USP42: variants seen among roughly 807,000 people sequenced by gnomAD.
USP42 encodes ubiquitin carboxyl-terminal hydrolase 42.
In USP42, 23 loss-of-function variants were observed where a neutral mutation model predicts 113.0. That is an observed-to-expected ratio of 0.20 (90% confidence interval 0.15 to 0.29). The LOEUF (loss-of-function observed/expected upper bound fraction) is 0.29. Ranked by LOEUF, USP42 falls within the 10% of genes least tolerant of loss-of-function variation. The probability of loss-of-function intolerance (pLI) is 1.00; values close to 1 mark genes in which losing one functional copy is unlikely to be tolerated. For missense variants in USP42, 2,174 were observed against 1,779.8 expected (o/e 1.22, Z -3.99); for synonymous variants, 933 against 699.0 (o/e 1.33, Z -5.28).
At chr7:6,126,539 C>T (rs1201328868) in intron 3 of USP42, among the ~76,000 whole-genome samples, 1 of 152,182 alleles carries the variant, frequency 6.6e-6, no homozygotes, top group Admixed American at 6.5e-5. Context: ...CCCGCCTCAG[C>T]CTCCCAAAGT....
At chr7:6,117,701 A>G (rs1018810647) in intron 3 of USP42, among the ~76,000 whole-genome samples, 1 of 152,048 alleles carries the variant, frequency 6.6e-6, no homozygotes. Flanking sequence ...CCTTCCCAAT[A>G]CTTGGTGGGG....
At position 6,157,518 on chromosome 7, in the gene USP42, C is replaced by T. The variant is rs1471941477; in HGVS notation, c.3943+463C>T. ...GTTCATGCTGTTCTCCTGCCTCAGC[C>T]TCCTGAGTAGCCGGGACTACAGGCG... On this transcript the variant is annotated intron_variant, in intron 16 of 17. Transcript: ENST00000306177. This position sits in a 1 kb window ranked among gnomAD's most constrained non-coding sequence, Gnocchi z 4.1. 2.0e-6 allele frequency: 1 copy of T among 497,842 alleles called. No homozygotes were observed. Among genetic ancestry groups the T allele is most frequent in the Non-Finnish European group, 2.6e-6 (1 of 384,564 alleles). The allele number at this position is 497,842 out of a possible 1,614,324, so 30.8% of individuals were successfully genotyped here.
intron 2 of USP42, among the ~76,000 whole-genome samples, chr7:6,114,630 G>A (rs1209694627): frequency 7.7e-6 from 1 of 130,260 alleles, no homozygotes; most frequent in African/African-American, 3.0e-5. Context: ...TAAAATACGT[G>A]TGTGTGTATA....
In USP42 at chr7:6,146,381, T is replaced by C. The variant is rs901829375; in HGVS notation, c.1232+133T>C. 7 of 645,368 alleles carry C rather than the reference T, an allele frequency of 1.1e-5. No individual in the cohort carries two copies. In the African/African-American group the frequency reaches 1.3e-4, roughly 12 times the overall value. 40.0% of individuals were successfully genotyped at this position (645,368 alleles called of 1,614,324 possible). On this transcript the variant is annotated intron_variant, in intron 11 of 17. Transcript: ENST00000306177. ...AGCAGCTTAAAGATCAACTCTAGCC[T>C]GGGCATGGTGCCTCACGCCTATAAT...
At chr7:6,115,817 C>T (rs1040784844) in intron 3 of USP42, among the ~76,000 whole-genome samples, 15 of 152,034 alleles carry the variant, frequency 9.9e-5, no homozygotes, top group Non-Finnish European at 7.4e-5. Flanking sequence ...ACAGAAATAT[C>T]TGACATTAGC....
At chr7:6,122,593 C>T (rs893576614) in intron 3 of USP42, among the ~76,000 whole-genome samples, 1 of 152,016 alleles carries the variant, frequency 6.6e-6, no homozygotes, top group African/African-American at 2.4e-5. Context: ...GCCTCGGCCT[C>T]CTGAGTAGCT....
the USP42 span, among the ~76,000 whole-genome samples, chr7:6,097,780 C>T: frequency 8.0e-5 from 12 of 150,148 alleles, no homozygotes; most frequent in East Asian, 3.9e-4. Context: ...TTAGTAGAGG[C>T]GGGGTTTTAC....
At chr7:6,147,307 A>T (rs1467005670) in intron 11 of USP42, among the ~76,000 whole-genome samples, 4 of 152,144 alleles carry the variant, frequency 2.6e-5, no homozygotes, top group Admixed American at 2.0e-4. Context: ...TACAGAAAAT[A>T]AAAAAATGAG....
the USP42 span, among the ~76,000 whole-genome samples, chr7:6,099,332 A>G: frequency 7.1e-6 from 1 of 140,956 alleles, no homozygotes; most frequent in African/African-American, 2.7e-5. Flanking sequence ...CTCCTGCCTT[A>G]GCCTCCCCAG....
chr7:6,095,576 GGAGAATCA>G, the USP42 span, among the ~76,000 whole-genome samples: 2 of 151,024 alleles, frequency 1.3e-5, no homozygotes, highest in Admixed American at 1.3e-4. Flanking sequence ...AGCTGAGGCA[GGAGAATCA>G]CTTGAACCTG....
chr7:6,097,715 C>T, the USP42 span, among the ~76,000 whole-genome samples: 9 of 148,446 alleles, frequency 6.1e-5, 1 homozygote, highest in Admixed American at 3.3e-4. Flanking sequence ...CTCAGCCTCC[C>T]GAGTTGCTGT....
At chr7:6,086,601 C>T in the USP42 span, among the ~76,000 whole-genome samples, 56 of 150,888 alleles carry the variant, frequency 3.7e-4, 2 homozygotes, top group East Asian at 0.01. Context: ...CCACCCCCCT[C>T]AACCTCCCAA....
the USP42 span, chr7:6,081,847 G>C: frequency 6.6e-6 from 1 of 152,142 alleles, no homozygotes; most frequent in Admixed American, 6.6e-5. Context: ...CCCCTCCTGA[G>C]AGTTTACCAG....
chr7:6,106,139 C>G (rs571342228), intron 1 of USP42, among the ~76,000 whole-genome samples: 1 of 152,190 alleles, frequency 6.6e-6, no homozygotes, highest in African/African-American at 2.4e-5. Flanking sequence ...GGGTCAGTTT[C>G]ACTTTCTCTT....
intron 3 of USP42, among the ~76,000 whole-genome samples, chr7:6,123,908 C>G (rs191525832): frequency 1.3e-5 from 2 of 150,146 alleles, no homozygotes; most frequent in East Asian, 2.0e-4. Context: ...TGGAGTCTCA[C>G]TTTGTCACCT....
At chr7:6,103,736 T>TCC (rs1790213875), upstream of USP42, among the ~76,000 whole-genome samples, 1 of 13,180 alleles carries the variant, frequency 7.6e-5, no homozygotes, top group Non-Finnish European at 1.2e-4. Flanking sequence ...CCCCCGTCTC[T>TCC]ACAAAAAAAA....
chr7:6,154,551 C>T lies in USP42; in HGVS notation c.2997C>T (p.His999=). Residue 999 remains histidine, a synonymous_variant, in exon 15 of 18, where the codon CAC becomes CAT. Transcript: ENST00000306177. ...DRQDRHAPEH[H]PGHGDRLSPG... Reference sequence around the variant, plus strand: ...AGGACCGCCACGCCCCGGAGCACCACCCCGGCCACGGCGACAGGCTCAGCC... The same window carrying T: ...AGGACCGCCACGCCCCGGAGCACCATCCCGGCCACGGCGACAGGCTCAGCC... 1 of 1,547,932 alleles carries T rather than the reference C, an allele frequency of 6.5e-7. No homozygotes were observed. The highest frequency in any genetic ancestry group is 8.7e-7 in the Non-Finnish European group (1 of 1,148,232).
At position 6,154,897 on chromosome 7, in the gene USP42, A is replaced by C; in HGVS notation, c.3343A>C (p.Ser1115Arg). The C allele has an allele frequency of 1.3e-6, 2 of 1,542,164 alleles. No individual in the cohort carries two copies. The highest frequency in any genetic ancestry group is 1.8e-6 in the Non-Finnish European group (2 of 1,142,410). The change falls in exon 15 of 18, where the codon AGC becomes CGC. Residue 1115 changes from serine (S) to arginine (R), a missense_variant. Ser to Arg is a moderately radical substitution (Grantham distance 110). Coordinates refer to ENST00000306177, the MANE Select transcript of USP42 (RefSeq NM_032172.3). Reference sequence around the variant, plus strand: ...CCGGGAGAGGGAGCGGCACCGCCCCAGCAGCCCCCGCGCAGGCGCGCCCCA... The same window carrying C: ...CCGGGAGAGGGAGCGGCACCGCCCCCGCAGCCCCCGCGCAGGCGCGCCCCA... ...PARERERHRP[S>R]SPRAGAPHAL...
At chr7:6,101,584 G>A (rs1462236830), upstream of USP42, among the ~76,000 whole-genome samples, 1 of 151,168 alleles carries the variant, frequency 6.6e-6, no homozygotes, top group Non-Finnish European at 1.5e-5. Flanking sequence ...TTTGTAGGCA[G>A]GGATGTCTTC....
Sources: gnomAD v4.1 joint callset for allele counts (sites outside exome capture counted in the v4.1 genomes callset) on GRCh38, gnomAD v4.1.1 for gene constraint, Gnocchi (gnomAD v3.1) non-coding constraint, MANE v1.5 for transcripts, NCBI Gene and HGNC (gene_info 2026-07-23, HGNC 2026-07-21) for gene names.